Variants in NT5C1B observed in about 807,000 individuals in gnomAD.
NT5C1B encodes the protein 5'-nucleotidase, cytosolic IB.
In NT5C1B, 44 loss-of-function variants were observed where a neutral mutation model predicts 57.8. That is an observed-to-expected ratio of 0.76 (90% CI 0.60 to 0.98). The LOEUF (loss-of-function observed/expected upper bound fraction) is 0.98. NT5C1B is among the 50% of genes least tolerant of loss of function. NT5C1B has a pLI of 0.00. For missense variants in NT5C1B, 742 were observed against 719.5 expected, an observed-to-expected ratio of 1.03 and a Z score of -0.36; for synonymous variants, 284 against 282.6, an observed-to-expected ratio of 1.00 and a Z score of -0.05.
exon 6 of NT5C1B, chr2:18,582,967 C>G: frequency 6.2e-7 from 1 of 1,613,892 alleles, no homozygotes; most frequent in Non-Finnish European, 8.5e-7. Flanking sequence ...GGATATAGAT[C>G]ACGGAGTCTA....
At chr2:18,576,675 A>C (rs1665705312) in intron 7 of NT5C1B, 98 bp downstream of exon 7, 4 of 1,544,372 alleles carry the variant, frequency 2.6e-6, no homozygotes, top group Admixed American at 4.1e-5. Context: ...AGAATATCCA[A>C]CAAGACCATA....
At chr2:18,585,745 G>C (rs184278474) in intron 3 of NT5C1B, among the ~76,000 whole-genome samples, 1 of 152,218 alleles carries the variant, frequency 6.6e-6, no homozygotes, top group East Asian at 1.9e-4. Flanking sequence ...AAATCCGATA[G>C]AGATGATGAA....
At chr2:18,567,682 A>G (rs1371974805) in intron 8 of NT5C1B, among the ~76,000 whole-genome samples, 4 of 152,198 alleles carry the variant, frequency 2.6e-5, no homozygotes, top group African/African-American at 9.6e-5. Context: ...ACCTGATTTG[A>G]TTGATTCAAT....
intron 8 of NT5C1B, among the ~76,000 whole-genome samples, chr2:18,570,749 C>G (rs1053401985): frequency 5.3e-5 from 8 of 152,028 alleles, no homozygotes; most frequent in Non-Finnish European, 1.2e-4. Flanking sequence ...GAGAAGAAAA[C>G]TGTAGAGGAT....
intron 5 of NT5C1B, 125 bp downstream of exon 5, chr2:18,583,963 G>A (rs1464317675): frequency 6.4e-7 from 1 of 1,554,584 alleles, no homozygotes; most frequent in Non-Finnish European, 8.8e-7. Context: ...TCAGCTAGAA[G>A]GAGACAAGAA....
chr2:18,572,209 G>T (rs1665270699), intron 8 of NT5C1B, among the ~76,000 whole-genome samples: 1 of 151,886 alleles, frequency 6.6e-6, no homozygotes, highest in South Asian at 2.1e-4. Context: ...AACAAATAAT[G>T]CTTGAACAAT....
intron 8 of NT5C1B, among the ~76,000 whole-genome samples, chr2:18,567,538 G>A (rs1260549340): frequency 6.6e-6 from 1 of 152,146 alleles, no homozygotes; most frequent in Non-Finnish European, 1.5e-5. Flanking sequence ...GCTGAAAGTC[G>A]ACTAGAAATC....
At chr2:18,567,094 C>G (rs1664711571) in intron 8 of NT5C1B, among the ~76,000 whole-genome samples, 1 of 152,138 alleles carries the variant, frequency 6.6e-6, no homozygotes, top group South Asian at 2.1e-4. Context: ...GAAGTACACA[C>G]TCTCTTTTAG....
chr2:18,576,883 T>G (rs1196097570), exon 7 of NT5C1B: 4 of 1,613,526 alleles, frequency 2.5e-6, no homozygotes, highest in Non-Finnish European at 3.4e-6. Context: ...ACAGAAGCGG[T>G]CAATCAGTAA....
At chr2:18,567,280 C>G (rs570150121) in intron 8 of NT5C1B, among the ~76,000 whole-genome samples, 3 of 152,284 alleles carry the variant, frequency 2.0e-5, no homozygotes, top group South Asian at 4.1e-4. Flanking sequence ...GCCTAGACTG[C>G]TAGAAGAGCT....
exon 9 of NT5C1B, chr2:18,563,876 C>A (rs1664396569): frequency 2.5e-6 from 4 of 1,613,886 alleles, no homozygotes; most frequent in Non-Finnish European, 3.4e-6. Flanking sequence ...AACATGTGGT[C>A]ATCAAAGAAG....
intron 2 of NT5C1B, 177 bp from the exon 3 acceptor site, chr2:18,586,568 G>A: frequency 1.0e-6 from 1 of 988,354 alleles, no homozygotes. Context: ...CTCTGGTCTA[G>A]TCCTCACTTC....
In NT5C1B at chr2:18,584,176, T is replaced by G. The variant is rs573942361; in HGVS notation, c.803A>C (p.Glu268Ala). 3 of 1,614,110 alleles carry G rather than the reference T, an allele frequency of 1.9e-6. No individual in the cohort carries two copies. In the African/African-American group the frequency reaches 4.0e-5, roughly 22 times the overall value. ...CATGTACTTTTCCAGACCCTCTTGCTCGTAGATTTTCCTGCCGTCCACCAT... is the reference window on the plus strand; with the variant it reads ...CATGTACTTTTCCAGACCCTCTTGCGCGTAGATTTTCCTGCCGTCCACCAT... Residue 268 changes from glutamate (E) to alanine (A), a missense_variant, in exon 5 of 9, where the codon GAG (glutamate) becomes GCG (alanine). By Grantham distance (107) the Glu-to-Ala change is moderately radical (BLOSUM62 -1). Transcript: ENST00000304081. The surrounding 1 kb of genome is among the most constrained non-coding windows in gnomAD (Gnocchi z 5.8).
At position 18,584,954 on chromosome 2, in the gene NT5C1B, G is replaced by C. The variant is rs779702855; in HGVS notation, c.283C>G (p.Arg95Gly). 4 of 1,540,354 alleles carry C rather than the reference G, an allele frequency of 2.6e-6. No homozygotes were observed. The highest frequency in any genetic ancestry group is 2.5e-5 in the South Asian group (2 of 80,826). ...AGGCTTGGGGAGGTGGATGGAGTCC[G>C]GGAGCTCGTGGAGCTGCTGGGGAGC... Residue 95 changes from arginine to glycine, a missense_variant, in exon 4 of 9, where the codon CGG becomes GGG. Transcript: ENST00000304081. The surrounding 1 kb of genome is among the most constrained non-coding windows in gnomAD (Gnocchi z 5.8).
intron 8 of NT5C1B, among the ~76,000 whole-genome samples, chr2:18,573,802 C>CT (rs1038908404): frequency 1.2e-4 from 18 of 152,064 alleles, no homozygotes; most frequent in African/African-American, 4.3e-4. Flanking sequence ...GGAAAATCAT[C>CT]TTTTTCATGT....
intron 8 of NT5C1B, among the ~76,000 whole-genome samples, chr2:18,569,486 T>G (rs1284258867): frequency 6.6e-6 from 1 of 151,944 alleles, no homozygotes; most frequent in Non-Finnish European, 1.5e-5. Flanking sequence ...CTGTAATATC[T>G]ATAAGAAAAA....
intron 8 of NT5C1B, among the ~76,000 whole-genome samples, chr2:18,575,433 A>G (rs1359136418): frequency 6.6e-6 from 1 of 152,140 alleles, no homozygotes; most frequent in Admixed American, 6.5e-5. Flanking sequence ...AACAATATTT[A>G]AGTTTAACTT....
In NT5C1B at chr2:18,584,214, G is replaced by T. The variant is rs559538037; in HGVS notation, c.765C>A (p.Cys255Ter). The stretch of plus-strand genomic sequence containing the variant: ...TGCCGTCCACCATGTTGAAGAGCGC[G>T]CAGGATGAGAGAGCAATGGTGATGG... The change falls in exon 5 of 9, where the codon TGC becomes TGA. Residue 255 changes from cysteine (C) to a stop codon, truncating the protein, a stop_gained. Transcript: ENST00000304081. LOFTEE classifies it high-confidence loss of function. The surrounding 1 kb of genome is among the most constrained non-coding windows in gnomAD (Gnocchi z 5.8). 2 of 1,614,158 alleles carry T rather than the reference G, an allele frequency of 1.2e-6. No homozygotes were observed. Among genetic ancestry groups the T allele is most frequent in the Non-Finnish European group, 1.7e-6 (2 of 1,180,032 alleles).
At chr2:18,581,990 T>C (rs1666226270) in intron 6 of NT5C1B, among the ~76,000 whole-genome samples, 1 of 152,210 alleles carries the variant, frequency 6.6e-6, no homozygotes, top group African/African-American at 2.4e-5. Flanking sequence ...TGGTGAGGGA[T>C]AGATAGACCT....
Sources: allele counts gnomAD v4.1 joint callset (sites outside exome capture counted in the v4.1 genomes callset), GRCh38; gene constraint gnomAD v4.1.1; non-coding constraint Gnocchi (gnomAD v3.1); transcripts MANE v1.5; gene names NCBI Gene and HGNC (gene_info 2026-07-23, HGNC 2026-07-21).